The following SRSF12 variants were observed in gnomAD, a reference collection of about 807,000 sequenced individuals.
SRSF12 encodes serine/arginine-rich splicing factor 12.
In SRSF12, 21 loss-of-function variants were observed where a neutral mutation model predicts 34.1. That is an observed-to-expected ratio of 0.62 (90% confidence interval 0.44 to 0.89). The LOEUF is 0.89. Among genes scored for constraint, SRSF12 ranks in the 40% least tolerant of loss-of-function variants. SRSF12 has a pLI of 0.00. For missense variants in SRSF12, 278 were observed against 327.8 expected, an observed-to-expected ratio of 0.85 and a Z score of 1.17; for synonymous variants, 111 against 110.8, an observed-to-expected ratio of 1.00 and a Z score of -0.01.
At chr6:89,099,641 T>C (rs1039682472) in intron 4 of SRSF12, among the ~76,000 whole-genome samples, 3 of 151,154 alleles carry the variant, frequency 2.0e-5, no homozygotes, top group African/African-American at 7.3e-5. Flanking sequence ...GTTTGAGCAA[T>C]TCTTCTCTCT....
intron 4 of SRSF12, among the ~76,000 whole-genome samples, chr6:89,102,952 T>TG (rs1415303442): frequency 3.3e-5 from 5 of 152,004 alleles, no homozygotes; most frequent in Admixed American, 6.6e-5. Context: ...TTTGTAGACA[T>TG]GGGGGTCTCA....
chr6:89,108,155 T>G (rs1768881087), intron 1 of SRSF12, among the ~76,000 whole-genome samples: 1 of 152,216 alleles, frequency 6.6e-6, no homozygotes, highest in South Asian at 2.1e-4. Flanking sequence ...CTAGTGCGAT[T>G]AGGTGCTTCA....
At position 89,098,335 on chromosome 6, in the gene SRSF12, A is replaced by T; in HGVS notation, c.*243T>A. 2.7e-6 allele frequency: 1 copy of T among 365,734 alleles called. No homozygotes were observed. Among genetic ancestry groups the T allele is most frequent in the Non-Finnish European group, 4.8e-6 (1 of 207,354 alleles). The allele number at this position is 365,734 out of a possible 1,614,324, so 22.7% of individuals were successfully genotyped here. The stretch of plus-strand genomic sequence containing the variant: ...TTCCCTTGAAAAGTACCCTTCTGCC[A>T]CAATGTAAATAAAAAATGGTCCATA... On this transcript the variant is annotated 3_prime_UTR_variant, in exon 5 of 5. Transcript: ENST00000452027.
intron 1 of SRSF12, among the ~76,000 whole-genome samples, chr6:89,113,038 A>G (rs764232080): frequency 6.6e-6 from 1 of 152,238 alleles, no homozygotes; most frequent in Non-Finnish European, 1.5e-5. Context: ...ACTGTGTAGT[A>G]GGTTTGGGTT....
rs191571697 is a variant in SRSF12, at chr6:89,102,964, T to C, written c.416+2155A>G. 1.1e-3 allele frequency among the ~76,000 whole-genome samples: 171 copies of C among 152,246 alleles called. 1 individual carries two copies. Among genetic ancestry groups the C allele is most frequent in the African/African-American group, 3.9e-3 (161 of 41,548 alleles). On this transcript the variant is annotated intron_variant, in intron 4 of 4. Coordinates refer to ENST00000452027, the MANE Select transcript of SRSF12 (RefSeq NM_080743.5). ...GTTTTTGTAGACATGGGGGTCTCAC[T>C]ATGTTGCCCAGGCTGGTCTCTCAAA...
intron 1 of SRSF12, among the ~76,000 whole-genome samples, chr6:89,111,109 C>CTTTTTTT: frequency 8.3e-6 from 1 of 120,744 alleles, no homozygotes; most frequent in Non-Finnish European, 1.6e-5. Flanking sequence ...TGAGACTTGT[C>CTTTTTTT]TTTTTTTTTT....
intron 4 of SRSF12, among the ~76,000 whole-genome samples, chr6:89,099,640 ATTC>A (rs1768447004): frequency 6.6e-6 from 1 of 151,682 alleles, no homozygotes; most frequent in Non-Finnish European, 1.5e-5. Flanking sequence ...GGTTTGAGCA[ATTC>A]TTCTCTCTCA....
chr6:89,104,986 G>T, intron 4 of SRSF12, 133 bp downstream of exon 4: 3 of 850,568 alleles, frequency 3.5e-6, no homozygotes, highest in Non-Finnish European at 5.0e-6. Context: ...AGTCTAGGAG[G>T]TCAAGTCTAC....
In SRSF12 at chr6:89,099,435, T is replaced by TACACAC. The variant is rs1199102479; in HGVS notation, c.417-489_417-488insGTGTGT. Among the ~76,000 whole-genome samples the TACACAC allele has an allele frequency of 9.4e-4, 127 of 134,610 alleles. 1 individual carries two copies. Among genetic ancestry groups the TACACAC allele is most frequent in the Middle Eastern group, 3.6e-3 (1 of 278 alleles). The allele number at this position is 134,610 out of a possible 152,430, so 88.3% of individuals were successfully genotyped here. A position where few individuals can be genotyped will look rare whatever the true frequency, so the allele number is the denominator to read the frequency against. On this transcript the variant is annotated intron_variant, in intron 4 of 4. Coordinates refer to ENST00000452027, the MANE Select transcript of SRSF12 (RefSeq NM_080743.5). ...ATATACATATATATATGTGTGTATA[T>TACACAC]ATATACACATATATATGTGTGTATA... is the stretch of plus-strand genomic sequence containing the variant.
intron 1 of SRSF12, among the ~76,000 whole-genome samples, chr6:89,114,123 A>C (rs1769182689): frequency 1.3e-5 from 2 of 152,162 alleles, no homozygotes; most frequent in Admixed American, 1.3e-4. Flanking sequence ...TCATCGGTAA[A>C]ATGGGGTTAA....
At chr6:89,117,379 C>T (rs1769355365) in intron 1 of SRSF12, among the ~76,000 whole-genome samples, 1 of 152,242 alleles carries the variant, frequency 6.6e-6, no homozygotes, top group African/African-American at 2.4e-5. Context: ...AACGTTCTCA[C>T]CAGCCCCAAT....
intron 1 of SRSF12, 121 bp downstream of exon 1, chr6:89,117,702 G>C: frequency 2.0e-6 from 2 of 1,007,432 alleles, no homozygotes; most frequent in Non-Finnish European, 2.7e-6. Context: ...GCGCAGCCTG[G>C]GCCCGCGGGG....
chr6:89,106,167 C>A (rs1425755987), intron 2 of SRSF12, among the ~76,000 whole-genome samples: 6 of 152,154 alleles, frequency 3.9e-5, no homozygotes, highest in Non-Finnish European at 7.3e-5. Flanking sequence ...GTCACCCAGG[C>A]TGGAGTGCAA....
Position 89,099,411 on chromosome 6 carries a change from T to TAC in SRSF12, c.417-465_417-464insGT, listed in dbSNP as rs756851047. Among the ~76,000 whole-genome samples, 37 of 82,776 alleles carry TAC rather than the reference T, an allele frequency of 4.5e-4. 1 individual carries two copies. The South Asian group carries it at 7.4e-3, about 17-fold the overall frequency. 54.3% of individuals were successfully genotyped at this position (82,776 alleles called of 152,430 possible). A position where few individuals can be genotyped will look rare whatever the true frequency, so the allele number is the denominator to read the frequency against. On this transcript the variant is annotated intron_variant, in intron 4 of 4. Transcript: ENST00000452027. ...CTCTCTCTCTCTCTCTCCATATATA[T>TAC]ATACATATATATATGTGTGTATATA...
chr6:89,111,975 T>C (rs796860147), intron 1 of SRSF12, among the ~76,000 whole-genome samples: 34 of 152,362 alleles, frequency 2.2e-4, no homozygotes, highest in African/African-American at 7.9e-4. Flanking sequence ...AGCTACATCT[T>C]GTTTCACCAG....
chr6:89,108,176 C>CA (rs953940093), intron 1 of SRSF12, among the ~76,000 whole-genome samples: 2 of 151,290 alleles, frequency 1.3e-5, no homozygotes, highest in Non-Finnish European at 2.9e-5. Flanking sequence ...GAAGGGGTAC[C>CA]AAAAAAAAGA....
intron 1 of SRSF12, among the ~76,000 whole-genome samples, chr6:89,107,878 G>T (rs1298142895): frequency 1.3e-5 from 2 of 152,154 alleles, no homozygotes; most frequent in Non-Finnish European, 2.9e-5. Flanking sequence ...TTAATTTCCA[G>T]AAACACTGAC....
chr6:89,107,654 G>A (rs1276200050), intron 1 of SRSF12, among the ~76,000 whole-genome samples: 2 of 151,980 alleles, frequency 1.3e-5, no homozygotes, highest in African/African-American at 4.8e-5. Context: ...TCACCTGAGT[G>A]AGCATGGGGA....
chr6:89,098,607 G>C lies in SRSF12; in HGVS notation c.757C>G (p.Arg253Gly), dbSNP rs377465681. The C allele has an allele frequency of 2.5e-6, 4 of 1,612,104 alleles. No individual in the cohort carries two copies. In the South Asian group the frequency reaches 4.4e-5, roughly 18 times the overall value. ...HSHFRSHSRSRSYRHKNSW is the reference protein window; with the variant it reads ...HSHFRSHSRSGSYRHKNSW Reference sequence around the variant, plus strand: ...CAACTGTTTTTATGACGATAACTTCGAGATCTGGAATGTGACCGAAAATGA... The same window carrying C: ...CAACTGTTTTTATGACGATAACTTCCAGATCTGGAATGTGACCGAAAATGA... The change falls in exon 5 of 5, where the codon CGA (arginine) becomes GGA (glycine). Residue 253 changes from arginine to glycine, a missense_variant. Coordinates refer to ENST00000452027, the MANE Select transcript of SRSF12 (RefSeq NM_080743.5).
Sources: gnomAD v4.1 joint callset for allele counts (sites outside exome capture counted in the v4.1 genomes callset) on GRCh38, gnomAD v4.1.1 for gene constraint, MANE v1.5 for transcripts, NCBI Gene and HGNC (gene_info 2026-07-23, HGNC 2026-07-21) for gene names.